Variants in PPM1E observed in about 807,000 individuals in gnomAD.
PPM1E encodes the protein protein phosphatase 1E.
Under a neutral mutation model 65.9 loss-of-function variants are expected in PPM1E, and 20 were observed. The observed-to-expected ratio is 0.30, with a 90% CI of 0.21 to 0.44. The LOEUF (loss-of-function observed/expected upper bound fraction) is 0.44. Among genes scored for constraint, PPM1E ranks in the 20% least tolerant of loss-of-function variants. The probability of loss-of-function intolerance (pLI) is 1.00; values close to 1 mark genes in which losing one functional copy is unlikely to be tolerated. For missense variants in PPM1E, 713 were observed against 953.1 expected (o/e 0.75, Z 3.32); for synonymous variants, 352 against 374.9 (o/e 0.94, Z 0.70).
Position 58,970,455 on chromosome 17 carries a change from A to C in PPM1E, c.972+728A>C, listed in dbSNP as rs559539746. Among the ~76,000 whole-genome samples, 9 of 152,324 alleles carry C rather than the reference A, an allele frequency of 5.9e-5. No individual in the cohort carries two copies. In the East Asian group the frequency reaches 1.7e-3, roughly 29 times the overall value. On this transcript the variant is annotated intron_variant, in intron 4 of 6. Coordinates refer to ENST00000308249, the MANE Select transcript of PPM1E (RefSeq NM_014906.5). ...AATAAAAGAATTTTTAATTTTTAAA[A>C]ATAATTACAGAAGTAGATACAGACA...
chr17:58,912,259 G>T (rs920314871), intron 1 of PPM1E, among the ~76,000 whole-genome samples: 22 of 152,138 alleles, frequency 1.4e-4, no homozygotes, highest in African/African-American at 5.1e-4. Context: ...GTACAAAGAA[G>T]TGAGGCCTCC....
chr17:58,832,776 C>G (rs1053860435), intron 1 of PPM1E, among the ~76,000 whole-genome samples: 4 of 151,492 alleles, frequency 2.6e-5, no homozygotes, highest in Admixed American at 2.6e-4. Context: ...TATTTATTAA[C>G]TAAACTACTG....
intron 1 of PPM1E, among the ~76,000 whole-genome samples, chr17:58,900,795 A>C (rs1350696303): frequency 6.6e-6 from 1 of 152,108 alleles, no homozygotes; most frequent in Admixed American, 6.6e-5. Flanking sequence ...ATGTTTTCTT[A>C]TGCATATGTG....
intron 1 of PPM1E, among the ~76,000 whole-genome samples, chr17:58,880,044 A>G (rs2051176855): frequency 1.3e-5 from 2 of 152,242 alleles, no homozygotes; most frequent in Admixed American, 1.3e-4. Context: ...AAGCAGTTAC[A>G]GTCAATCACT....
intron 1 of PPM1E, among the ~76,000 whole-genome samples, chr17:58,931,066 TA>T (rs774968022): frequency 0.028 from 2,328 of 83,134 alleles, 41 homozygotes; most frequent in African/African-American, 0.049. Context: ...ATACAAAAAT[TA>T]AAAAAAAAAA....
At chr17:58,925,590 A>G (rs1196878591) in intron 1 of PPM1E, among the ~76,000 whole-genome samples, 1 of 151,508 alleles carries the variant, frequency 6.6e-6, no homozygotes, top group Non-Finnish European at 1.5e-5. Context: ...ACAGGCGCCT[A>G]CCACCATGCC....
chr17:58,948,081 C>T (rs1332911921), intron 1 of PPM1E, among the ~76,000 whole-genome samples: 1 of 152,108 alleles, frequency 6.6e-6, no homozygotes, highest in Non-Finnish European at 1.5e-5. Flanking sequence ...CCGGGGGAAG[C>T]CACGTGGCCT....
intron 1 of PPM1E, among the ~76,000 whole-genome samples, chr17:58,825,560 T>TTTGTTG (rs529746618): frequency 6.6e-6 from 1 of 151,994 alleles, no homozygotes; most frequent in Admixed American, 6.6e-5. Flanking sequence ...TCTGTTGTTT[T>TTTGTTG]TTGTTGTTGT....
At chr17:58,764,486 AGTGCAGTGGC>A (rs919892434) in intron 1 of PPM1E, among the ~76,000 whole-genome samples, 31 of 152,206 alleles carry the variant, frequency 2.0e-4, no homozygotes, top group African/African-American at 7.5e-4. Context: ...CCCAAGCTGG[AGTGCAGTGGC>A]GTGAACACAC....
intron 1 of PPM1E, among the ~76,000 whole-genome samples, chr17:58,787,716 G>T (rs1210682366): frequency 6.6e-6 from 1 of 151,852 alleles, no homozygotes; most frequent in Non-Finnish European, 1.5e-5. Flanking sequence ...GACCATCCTG[G>T]CTAACAGGGT....
chr17:58,766,476 A>G lies in PPM1E; in HGVS notation c.464+10015A>G, dbSNP rs575592827. On this transcript the variant is annotated intron_variant, in intron 1 of 6. Transcript: ENST00000308249. ...CAGCCTCCCAAAGTGCTGGGATTAC[A>G]GGTGTGAGCTACTGCACCCAGCCTG... 2.6e-5 allele frequency among the ~76,000 whole-genome samples: 4 copies of G among 152,122 alleles called. No homozygotes were observed. In the South Asian group the frequency reaches 8.3e-4, roughly 32 times the overall value.
chr17:58,905,064 T>TTC (rs752007334), intron 1 of PPM1E, among the ~76,000 whole-genome samples: 1 of 150,906 alleles, frequency 6.6e-6, no homozygotes, highest in Non-Finnish European at 1.5e-5. Context: ...AACAAACAAT[T>TTC]TCTCCTATAG....
intron 1 of PPM1E, among the ~76,000 whole-genome samples, chr17:58,905,673 T>C (rs2051549983): frequency 6.6e-6 from 1 of 152,114 alleles, no homozygotes; most frequent in Non-Finnish European, 1.5e-5. Flanking sequence ...CTGTAGTTTT[T>C]TTTTCTTGTA....
Position 58,954,742 on chromosome 17 carries a change from G to C in PPM1E, c.465-907G>C, listed in dbSNP as rs929093046. Among the ~76,000 whole-genome samples the C allele has an allele frequency of 2.6e-5, 4 of 151,954 alleles. No individual in the cohort carries two copies. In the South Asian group the frequency reaches 8.3e-4, roughly 32 times the overall value. On this transcript the variant is annotated intron_variant, in intron 1 of 6. Coordinates refer to ENST00000308249, the MANE Select transcript of PPM1E (RefSeq NM_014906.5). Reference sequence around the variant, plus strand: ...AACATACAAAAATTAGCCAGGCATGGTGACATACACCTGTAGTCCCAACTA... The same window carrying C: ...AACATACAAAAATTAGCCAGGCATGCTGACATACACCTGTAGTCCCAACTA...
At chr17:58,825,728 C>T in intron 1 of PPM1E, among the ~76,000 whole-genome samples, 1 of 151,758 alleles carries the variant, frequency 6.6e-6, no homozygotes, top group East Asian at 2.0e-4. Flanking sequence ...CACCACCATG[C>T]TCGGTTAATT....
intron 1 of PPM1E, 61 bp downstream of exon 1, chr17:58,756,522 G>T: frequency 7.9e-7 from 1 of 1,259,492 alleles, no homozygotes; most frequent in East Asian, 3.2e-5. Flanking sequence ...GGCCTCGGAC[G>T]CGGCTCCCTC....
intron 1 of PPM1E, among the ~76,000 whole-genome samples, chr17:58,879,855 A>T (rs192420724): frequency 1.8e-3 from 274 of 152,192 alleles, no homozygotes; most frequent in African/African-American, 6.3e-3. Context: ...TCCCACACAC[A>T]TTTCCAGAAC....
chr17:58,843,475 G>T (rs182517754), intron 1 of PPM1E, among the ~76,000 whole-genome samples: 11 of 151,866 alleles, frequency 7.2e-5, no homozygotes, highest in Non-Finnish European at 1.0e-4. Context: ...AGCGGAGATC[G>T]CGCCACTTAG....
At chr17:58,878,286 A>C (rs1360143041) in intron 1 of PPM1E, among the ~76,000 whole-genome samples, 1 of 151,994 alleles carries the variant, frequency 6.6e-6, no homozygotes, top group Non-Finnish European at 1.5e-5. Flanking sequence ...CTTGTTGCCC[A>C]AGCTGGAGTG....
Sources: gnomAD v4.1 joint callset for allele counts (sites outside exome capture counted in the v4.1 genomes callset) on GRCh38, gnomAD v4.1.1 for gene constraint, MANE v1.5 for transcripts, NCBI Gene and HGNC (gene_info 2026-07-23, HGNC 2026-07-21) for gene names.